Variants in MYOF observed in about 807,000 individuals in gnomAD.
The protein encoded by MYOF is myoferlin, also known as fer-1-like 3, myoferlin.
Under a neutral mutation model 284.2 loss-of-function variants are expected in MYOF, and 244 were observed. The ratio of observed to expected loss-of-function variants is 0.86; its 90% CI spans 0.77 to 0.95. The LOEUF (loss-of-function observed/expected upper bound fraction) is 0.95. Ranked by LOEUF, MYOF falls within the 40% of genes least tolerant of loss-of-function variation. MYOF has a pLI of 0.00. For synonymous variants in MYOF, 904 were observed against 919.7 expected, an observed-to-expected ratio of 0.98 and a Z score of 0.31; for missense variants, 2,496 against 2,560.6, an observed-to-expected ratio of 0.97 and a Z score of 0.54.
At chr10:93,388,104 G>C (rs1389122480) in intron 18 of MYOF, among the ~76,000 whole-genome samples, 191 bp from the exon 19 acceptor site, 1 of 151,944 alleles carries the variant, frequency 6.6e-6, no homozygotes, top group African/African-American at 2.4e-5. Context: ...TTGGCTTTAG[G>C]ACAGATCTCA....
chr10:93,409,599 G>C lies in MYOF; in HGVS notation c.574C>G (p.Leu192Val), dbSNP rs1847804118. 24 of 1,613,922 alleles carry C rather than the reference G, an allele frequency of 1.5e-5. No individual in the cohort carries two copies. The highest frequency in any genetic ancestry group is 2.7e-5 in the African/African-American group (2 of 74,948). Residue 192 changes from leucine to valine, a missense_variant, in exon 6 of 54, where the codon CTG (leucine) becomes GTG (valine). By Grantham distance (32) the Leu-to-Val change is conservative. Coordinates refer to ENST00000359263, the MANE Select transcript of MYOF (RefSeq NM_013451.4). ...TGGAAGTCCTGTGGCTTATTTGACA[G>C]CATCCGCCGGCTGTTCTTTACTTTG... Reference protein sequence around the residue: ...LTKVKNSRRMLSNKPQDFQIR... With the variant: ...LTKVKNSRRMVSNKPQDFQIR...
chr10:93,386,595 G>A (rs912000156), intron 19 of MYOF, among the ~76,000 whole-genome samples: 5 of 152,180 alleles, frequency 3.3e-5, no homozygotes, highest in Admixed American at 2.6e-4. Flanking sequence ...CCTCTCAAAG[G>A]AGGAGACAGG....
Position 93,359,817 on chromosome 10 carries a change from C to A in MYOF, c.3120+16G>T. 6.2e-7 allele frequency: 1 copy of A among 1,613,968 alleles called. No homozygotes were observed. ...CAGAGCTCCCCAGTCCAGCTCCCTT[C>A]CCTTGCTTCTCTTACCCTTGCGGTG... is the stretch of plus-strand genomic sequence containing the variant. On this transcript the variant is annotated intron_variant, in intron 29 of 53. Transcript: ENST00000359263.
chr10:93,309,472 G>A (rs891766978), intron 53 of MYOF, among the ~76,000 whole-genome samples: 3 of 152,096 alleles, frequency 2.0e-5, no homozygotes, highest in African/African-American at 7.2e-5. Flanking sequence ...CGTGACATGA[G>A]CCTTAAAAAA....
At chr10:93,364,926 A>T (rs1460562330) in intron 26 of MYOF, among the ~76,000 whole-genome samples, 1 of 152,210 alleles carries the variant, frequency 6.6e-6, no homozygotes, top group African/African-American at 2.4e-5. Flanking sequence ...GAAGGAGAAT[A>T]AAAGCCCTGG....
At chr10:93,379,450 T>C (rs1020124196) in intron 21 of MYOF, among the ~76,000 whole-genome samples, 3 of 152,004 alleles carry the variant, frequency 2.0e-5, no homozygotes, top group Non-Finnish European at 4.4e-5. Context: ...TTCGTTGGAG[T>C]CACATGTGGC....
chr10:93,459,472 A>C (rs1187938595), intron 1 of MYOF, among the ~76,000 whole-genome samples: 2 of 152,188 alleles, frequency 1.3e-5, no homozygotes, highest in Non-Finnish European at 2.9e-5. Context: ...CCCATTTCTA[A>C]GCCAAGAAAA....
intron 1 of MYOF, among the ~76,000 whole-genome samples, chr10:93,467,678 T>TATC (rs2057043521): frequency 2.0e-5 from 3 of 152,162 alleles, no homozygotes; most frequent in Admixed American, 1.3e-4. Context: ...TGCACACGTA[T>TATC]GTTTATTGCG....
intron 43 of MYOF, among the ~76,000 whole-genome samples, chr10:93,332,238 T>TTG (rs397965180): frequency 2.6e-5 from 4 of 151,250 alleles, no homozygotes; most frequent in Admixed American, 1.3e-4. Context: ...TTTTTTTTTT[T>TTG]GGGAGACGGA....
At chr10:93,310,450 T>C (rs1391400061) in intron 52 of MYOF, 84 bp downstream of exon 52, 1 of 1,369,220 alleles carries the variant, frequency 7.3e-7, no homozygotes, top group Non-Finnish European at 1.0e-6. Context: ...CCACAAAAGC[T>C]AATCCATCCC....
intron 4 of MYOF, among the ~76,000 whole-genome samples, chr10:93,428,186 T>C (rs1296435351): frequency 7.0e-5 from 9 of 129,350 alleles, no homozygotes; most frequent in African/African-American, 2.3e-4. Context: ...ATTATTCGTT[T>C]TTTATGTGAA....
intron 43 of MYOF, 50 bp from the exon 44 acceptor site, chr10:93,329,884 T>G: frequency 6.3e-7 from 1 of 1,586,288 alleles, no homozygotes. Flanking sequence ...TCTGAGTACC[T>G]CACAAAAACT....
At chr10:93,352,377 T>C (rs574070154) in intron 32 of MYOF, among the ~76,000 whole-genome samples, 1 of 152,338 alleles carries the variant, frequency 6.6e-6, no homozygotes, top group African/African-American at 2.4e-5. Flanking sequence ...TATAGTTGTT[T>C]CTAATGTTGA....
intron 7 of MYOF, among the ~76,000 whole-genome samples, chr10:93,406,563 T>TCC (rs779669850): frequency 0.024 from 2,269 of 96,060 alleles, 60 homozygotes; most frequent in African/African-American, 0.055. Context: ...TCTTGCCTCC[T>TCC]CCCCACCCAT....
chr10:93,394,618 G>A (rs1393906987), intron 16 of MYOF, among the ~76,000 whole-genome samples: 2 of 150,676 alleles, frequency 1.3e-5, no homozygotes, highest in African/African-American at 4.9e-5. Context: ...CCACCACCAC[G>A]CCCGGAGAAT....
At chr10:93,329,010 A>T (rs1843183469) in intron 44 of MYOF, 99 bp from the exon 45 acceptor site, 2 of 1,266,194 alleles carry the variant, frequency 1.6e-6, no homozygotes, top group Non-Finnish European at 1.1e-6. Flanking sequence ...GCTCCCATAT[A>T]GTGGGTGCAG....
intron 21 of MYOF, among the ~76,000 whole-genome samples, chr10:93,379,204 G>A (rs1293937761): frequency 5.3e-5 from 8 of 152,106 alleles, no homozygotes; most frequent in Non-Finnish European, 1.2e-4. Flanking sequence ...AGTGGAATGT[G>A]TCAGACACTG....
At chr10:93,404,108 C>T in intron 8 of MYOF, 35 bp from the exon 9 acceptor site, 2 of 1,613,962 alleles carry the variant, frequency 1.2e-6, no homozygotes, top group Non-Finnish European at 8.5e-7. Flanking sequence ...AAATGATTGG[C>T]TTTGCCTGGC....
Position 93,377,029 on chromosome 10 carries a change from G to A in MYOF, c.2108+294C>T, listed in dbSNP as rs554047976. Among the ~76,000 whole-genome samples, 36 of 152,242 alleles carry A rather than the reference G, an allele frequency of 2.4e-4. No homozygotes were observed. The South Asian group carries it at 7.3e-3, about 31-fold the overall frequency. The stretch of plus-strand genomic sequence containing the variant: ...GGGTTGATGAGAAGCAGAGGCTCAG[G>A]CTTGCTTCTTTCTCCGCTCCCCATC... On this transcript the variant is annotated intron_variant, in intron 22 of 53. Transcript: ENST00000359263.
Sources: allele counts gnomAD v4.1 joint callset (sites outside exome capture counted in the v4.1 genomes callset), GRCh38; gene constraint gnomAD v4.1.1; transcripts MANE v1.5; gene names NCBI Gene and HGNC (gene_info 2026-07-23, HGNC 2026-07-21).